Variants in PHLDB2 observed in about 807,000 individuals in gnomAD.
The protein encoded by PHLDB2 is pleckstrin homology like domain family B member 2.
In PHLDB2, 71 loss-of-function variants were observed where a neutral mutation model predicts 123.6. The observed-to-expected ratio is 0.57, with a 90% CI of 0.47 to 0.70. PHLDB2 has a LOEUF of 0.70. Ranked by LOEUF, PHLDB2 falls within the 30% of genes least tolerant of loss-of-function variation. PHLDB2 has a pLI of 0.00. For synonymous variants in PHLDB2, 547 were observed against 541.6 expected (o/e 1.01, Z -0.14); for missense variants, 1,446 against 1,519.5 (o/e 0.95, Z 0.80).
intron 5 of PHLDB2, among the ~76,000 whole-genome samples, chr3:111,922,461 T>C (rs2068576167): frequency 6.6e-6 from 1 of 152,190 alleles, no homozygotes; most frequent in African/African-American, 2.4e-5. Flanking sequence ...TGACAGAGGC[T>C]ATGCACTGGA....
chr3:111,886,403 A>G (rs1052667037), intron 2 of PHLDB2, among the ~76,000 whole-genome samples: 4 of 151,926 alleles, frequency 2.6e-5, no homozygotes, highest in African/African-American at 7.2e-5. Flanking sequence ...AATGCCACCC[A>G]ATACAAACTC....
At chr3:111,944,321 C>G (rs533294673) in intron 8 of PHLDB2, among the ~76,000 whole-genome samples, 2 of 151,882 alleles carry the variant, frequency 1.3e-5, no homozygotes, top group East Asian at 3.9e-4. Flanking sequence ...TCCATTTGTT[C>G]AAACTCATAA....
At chr3:111,808,054 C>T (rs1022222269) in intron 1 of PHLDB2, among the ~76,000 whole-genome samples, 19 of 150,742 alleles carry the variant, frequency 1.3e-4, no homozygotes, top group African/African-American at 3.7e-4. Flanking sequence ...ATGCCTGGGA[C>T]CCAGCCCAGA....
At chr3:111,767,301 A>C (rs570126646) in intron 1 of PHLDB2, among the ~76,000 whole-genome samples, 1 of 152,276 alleles carries the variant, frequency 6.6e-6, no homozygotes, top group African/African-American at 2.4e-5. Context: ...GCTGTATTCA[A>C]CTTTGGCTCC....
In PHLDB2 at chr3:111,930,535, T is replaced by C. The variant is rs147746116; in HGVS notation, c.2002-1734T>C. 4.8e-3 allele frequency among the ~76,000 whole-genome samples: 737 copies of C among 152,304 alleles called. 3 individuals carry two copies. The highest frequency in any genetic ancestry group is 0.017 in the African/African-American group (712 of 41,554). On this transcript the variant is annotated intron_variant, in intron 5 of 17. Transcript: ENST00000431670. ...TTTTGCTGTGTAAATAGGGCAATCT[T>C]TGATGCACACACATAGGAGAGAACA...
intron 1 of PHLDB2, among the ~76,000 whole-genome samples, chr3:111,774,546 G>A (rs10934108): frequency 0.06 from 9,150 of 152,238 alleles, 634 homozygotes; most frequent in East Asian, 0.36. Flanking sequence ...AGAGTCCTGG[G>A]AAAGGGCACC....
chr3:111,953,825 G>T (rs112912254), intron 11 of PHLDB2, 105 bp from the exon 12 acceptor site: 6 of 843,426 alleles, frequency 7.1e-6, no homozygotes, highest in African/African-American at 5.1e-5. Context: ...TACCTTCTCT[G>T]CCCTGTACAC....
intron 1 of PHLDB2, among the ~76,000 whole-genome samples, chr3:111,780,765 C>T (rs933971502): frequency 2.0e-5 from 3 of 151,936 alleles, no homozygotes; most frequent in African/African-American, 4.8e-5. Flanking sequence ...TTGATGTCCC[C>T]GTGGATAGAC....
intron 13 of PHLDB2, among the ~76,000 whole-genome samples, chr3:111,964,753 G>A (rs575403664): frequency 6.6e-6 from 1 of 152,148 alleles, no homozygotes; most frequent in East Asian, 1.9e-4. Flanking sequence ...TAAATCTCAT[G>A]GTGGGGGCAG....
At chr3:111,885,755 CTTGTA>C (rs1399054061) in intron 2 of PHLDB2, 1 of 603,156 alleles carries the variant, frequency 1.7e-6, no homozygotes, top group African/African-American at 1.9e-5. Flanking sequence ...GAAATGCTGA[CTTGTA>C]TTATTTATAT....
At chr3:111,950,636 G>A (rs1049018381) in intron 10 of PHLDB2, among the ~76,000 whole-genome samples, 4 of 152,022 alleles carry the variant, frequency 2.6e-5, no homozygotes, top group South Asian at 4.1e-4. Flanking sequence ...ACTTCCTTTC[G>A]ATTATAATCA....
chr3:111,831,003 AAG>A (rs1360536102), intron 1 of PHLDB2, among the ~76,000 whole-genome samples: 1 of 99,622 alleles, frequency 1.0e-5, no homozygotes, highest in Non-Finnish European at 1.8e-5. Flanking sequence ...GAAAGAAAGA[AAG>A]AAAGAAAGAA....
At chr3:111,885,964 T>G (rs1462990814) in intron 2 of PHLDB2, among the ~76,000 whole-genome samples, 8 of 152,250 alleles carry the variant, frequency 5.3e-5, no homozygotes. Context: ...CGTACAGTGA[T>G]TCCAAACTAC....
intron 1 of PHLDB2, among the ~76,000 whole-genome samples, chr3:111,832,696 A>G (rs2063118628): frequency 1.0e-5 from 1 of 99,072 alleles, no homozygotes; most frequent in South Asian, 3.3e-4. Flanking sequence ...TAATATATAT[A>G]ATAGAATTAT....
At chr3:111,785,075 T>C (rs940296366) in intron 1 of PHLDB2, among the ~76,000 whole-genome samples, 3 of 152,168 alleles carry the variant, frequency 2.0e-5, no homozygotes, top group African/African-American at 7.2e-5. Flanking sequence ...ATCAGCTGTG[T>C]GTGAGAAAAT....
In PHLDB2 at chr3:111,756,948, C is replaced by A. The variant is rs1305757875; in HGVS notation, c.-49+24245C>A. ...GATATGAAATTCTGGGTTGAAAATT[C>A]TTTTCTTTAAGAATGTTGAATATTG... is the stretch of plus-strand genomic sequence containing the variant. On this transcript the variant is annotated intron_variant, in intron 1 of 17. Transcript: ENST00000393923. Among the ~76,000 whole-genome samples, 2 of 152,210 alleles carry A rather than the reference C, an allele frequency of 1.3e-5. 1 individual carries two copies. Among genetic ancestry groups the A allele is most frequent in the African/African-American group, 4.8e-5 (2 of 41,524 alleles).
chr3:111,934,153 A>G (rs1041579078), intron 6 of PHLDB2, among the ~76,000 whole-genome samples: 7 of 152,330 alleles, frequency 4.6e-5, no homozygotes, highest in African/African-American at 1.7e-4. Context: ...AAATTCTTAT[A>G]AAACCTCTTT....
intron 1 of PHLDB2, among the ~76,000 whole-genome samples, chr3:111,746,806 A>C (rs1410749886): frequency 6.6e-6 from 1 of 152,218 alleles, no homozygotes; most frequent in Non-Finnish European, 1.5e-5. Context: ...GGAAAAACAA[A>C]TATGTAGGCA....
At chr3:111,779,495 T>C (rs4373040) in intron 1 of PHLDB2, among the ~76,000 whole-genome samples, 142,595 of 152,154 alleles carry the variant, frequency 0.94, 66,872 homozygotes, top group East Asian at 1. Flanking sequence ...AACATAACTG[T>C]ATTTAGTTTT....
Sources: gnomAD v4.1 joint callset for allele counts (sites outside exome capture counted in the v4.1 genomes callset) on GRCh38, gnomAD v4.1.1 for gene constraint, MANE v1.5 for transcripts, NCBI Gene and HGNC (gene_info 2026-07-23, HGNC 2026-07-21) for gene names.